The following SHISA9 variants were observed in gnomAD, a reference collection of about 807,000 sequenced individuals.
SHISA9 encodes protein shisa-9.
Under a neutral mutation model 38.0 loss-of-function variants are expected in SHISA9, and 13 were observed. The ratio of observed to expected loss-of-function variants is 0.34; its 90% CI spans 0.22 to 0.54. The LOEUF is 0.54. Ranked by LOEUF, SHISA9 falls within the 20% of genes least tolerant of loss-of-function variation. SHISA9 has a pLI of 0.91. For synonymous variants in SHISA9, 275 were observed against 242.0 expected, an observed-to-expected ratio of 1.14 and a Z score of -1.27; for missense variants, 538 against 575.8, an observed-to-expected ratio of 0.93 and a Z score of 0.67.
chr16:13,011,131 G>T (rs2072667924), intron 2 of SHISA9, among the ~76,000 whole-genome samples: 1 of 152,084 alleles, frequency 6.6e-6, no homozygotes, highest in African/African-American at 2.4e-5. Context: ...TTGCTCAGGT[G>T]GGCAGGCGGT....
intron 2 of SHISA9, among the ~76,000 whole-genome samples, chr16:12,970,396 T>TATACGTAC (rs1265802678): frequency 3.8e-4 from 2 of 5,292 alleles, no homozygotes; most frequent in African/African-American, 1.1e-3. Flanking sequence ...TATGTATATA[T>TATACGTAC]ATATATACAT....
intron 2 of SHISA9, among the ~76,000 whole-genome samples, chr16:13,107,040 G>A (rs1207800090): frequency 1.3e-5 from 2 of 151,512 alleles, no homozygotes; most frequent in African/African-American, 4.9e-5. Context: ...TGCTACTAAT[G>A]AGTTAAATTT....
At chr16:12,970,357 A>ATATATATACATATATG (rs2072043885) in intron 2 of SHISA9, among the ~76,000 whole-genome samples, 1 of 66,698 alleles carries the variant, frequency 1.5e-5, no homozygotes, top group African/African-American at 5.6e-5. Flanking sequence ...ATATGTGTAT[A>ATATATATACATATATG]TATATATATA....
the SHISA9 span, among the ~76,000 whole-genome samples, chr16:13,278,577 C>T: frequency 6.6e-6 from 1 of 151,888 alleles, no homozygotes; most frequent in African/African-American, 2.4e-5. Context: ...TTTTAAATTA[C>T]CATTTCAATC....
At chr16:13,415,352 C>T in the SHISA9 span, among the ~76,000 whole-genome samples, 77 of 152,264 alleles carry the variant, frequency 5.1e-4, no homozygotes, top group African/African-American at 1.7e-3. Flanking sequence ...CCAAATACCA[C>T]ATGTTCTCAC....
At chr16:13,424,956 C>T in the SHISA9 span, among the ~76,000 whole-genome samples, 3 of 152,142 alleles carry the variant, frequency 2.0e-5, no homozygotes, top group African/African-American at 4.8e-5. Flanking sequence ...ATCATCATAA[C>T]ATCCAAATAA....
chr16:13,296,509 T>C, the SHISA9 span, among the ~76,000 whole-genome samples: 2 of 151,978 alleles, frequency 1.3e-5, no homozygotes, highest in Non-Finnish European at 2.9e-5. Flanking sequence ...AAGGGCCACA[T>C]TCTGTCTGTG....
intron 2 of SHISA9, among the ~76,000 whole-genome samples, chr16:13,033,956 A>C (rs947094263): frequency 1.4e-4 from 21 of 152,130 alleles, no homozygotes; most frequent in African/African-American, 4.6e-4. Context: ...GACCAGCCTA[A>C]CTAACATGGC....
chr16:13,140,966 C>A (rs1376203414), intron 2 of SHISA9, among the ~76,000 whole-genome samples: 1 of 152,094 alleles, frequency 6.6e-6, no homozygotes, highest in African/African-American at 2.4e-5. Context: ...GGATGCTGAA[C>A]CTGGAGAAAT....
At chr16:13,037,093 CA>C (rs770131740) in intron 2 of SHISA9, among the ~76,000 whole-genome samples, 7,286 of 38,656 alleles carry the variant, frequency 0.19, 758 homozygotes, top group African/African-American at 0.39. Context: ...CCACACCACA[CA>C]CACACACACA....
the SHISA9 span, among the ~76,000 whole-genome samples, chr16:13,262,129 A>G: frequency 6.6e-6 from 1 of 152,226 alleles, no homozygotes; most frequent in Non-Finnish European, 1.5e-5. Flanking sequence ...CATCTCCACT[A>G]TCCTCAAATG....
chr16:13,523,989 G>A, the SHISA9 span, among the ~76,000 whole-genome samples: 27 of 152,244 alleles, frequency 1.8e-4, no homozygotes, highest in South Asian at 5.4e-3. Flanking sequence ...GGGAAACTGA[G>A]GCTCAGGAAA....
chr16:13,064,344 G>A (rs61348087), intron 2 of SHISA9, among the ~76,000 whole-genome samples: 9,601 of 152,180 alleles, frequency 0.063, 599 homozygotes, highest in African/African-American at 0.16. Flanking sequence ...CCTTGCTTAG[G>A]GAGCTTATCT....
At chr16:12,970,355 A>ATATATATATATATACATATATG (rs2072043612) in intron 2 of SHISA9, among the ~76,000 whole-genome samples, 1 of 54,120 alleles carries the variant, frequency 1.8e-5, no homozygotes, top group Non-Finnish European at 4.0e-5. Flanking sequence ...ATATATGTGT[A>ATATATATATATATACATATATG]TATATATATA....
chr16:12,980,599 A>T (rs573144303), intron 2 of SHISA9, among the ~76,000 whole-genome samples: 1 of 151,402 alleles, frequency 6.6e-6, no homozygotes, highest in African/African-American at 2.4e-5. Context: ...CTCTTTTGGA[A>T]CTTTTTTAAA....
rs2051392572 is a variant in SHISA9 at position 13,237,110 on chromosome 16, A to G, written c.*1701A>G. On this transcript the variant is annotated 3_prime_UTR_variant, in exon 5 of 5. Coordinates refer to ENST00000558583, the MANE Select transcript of SHISA9 (RefSeq NM_001145204.3). Reference sequence around the variant, plus strand: ...ACAGACCCACAGCAACTCTGGTGTCAGAAGCTATAAATGGTCTGGCCAAAC... The same window carrying G: ...ACAGACCCACAGCAACTCTGGTGTCGGAAGCTATAAATGGTCTGGCCAAAC... 1.3e-5 allele frequency: 2 copies of G among 152,224 alleles called. No individual in the cohort carries two copies. Among genetic ancestry groups the G allele is most frequent in the East Asian group, 1.9e-4 (1 of 5,196 alleles). The allele number at this position is 152,224 out of a possible 1,614,324, so 9.4% of individuals were successfully genotyped here.
chr16:13,097,265 C>G (rs905966020), intron 2 of SHISA9, among the ~76,000 whole-genome samples: 7 of 152,102 alleles, frequency 4.6e-5, no homozygotes, highest in African/African-American at 1.7e-4. Context: ...CCCAAAGCCA[C>G]ACAGGGAGTT....
the SHISA9 span, among the ~76,000 whole-genome samples, chr16:13,329,399 CA>C: frequency 1.6e-3 from 237 of 152,306 alleles, 1 homozygote; most frequent in Non-Finnish European, 2.5e-3. Context: ...GTATTTACCT[CA>C]GACAATGACA....
chr16:13,246,677 T>C, the SHISA9 span, among the ~76,000 whole-genome samples: 4 of 152,192 alleles, frequency 2.6e-5, no homozygotes, highest in Non-Finnish European at 5.9e-5. Flanking sequence ...TGTGAAGCAG[T>C]AACTTCCTTT....
Sources: gnomAD v4.1 joint callset for allele counts (sites outside exome capture counted in the v4.1 genomes callset) on GRCh38, gnomAD v4.1.1 for gene constraint, MANE v1.5 for transcripts, NCBI Gene and HGNC (gene_info 2026-07-23, HGNC 2026-07-21) for gene names.